ALG12: variants seen among roughly 807,000 people sequenced by gnomAD.
ALG12 encodes dol-P-Man:Man(7)GlcNAc(2)-PP-Dol alpha-1,6-mannosyltransferase.
In ALG12, 36 loss-of-function variants were observed where a neutral mutation model predicts 46.0. That is an observed-to-expected ratio of 0.78 (90% CI 0.60 to 1.03). The LOEUF (loss-of-function observed/expected upper bound fraction) is 1.03. ALG12 is among the 50% of genes least tolerant of loss of function. The pLI, the probability that ALG12 is intolerant of heterozygous loss-of-function variation, is 0.00. For missense variants in ALG12, 599 were observed against 633.5 expected, an observed-to-expected ratio of 0.95 and a Z score of 0.58; for synonymous variants, 326 against 291.6, an observed-to-expected ratio of 1.12 and a Z score of -1.20.
the ALG12 span, chr22:49,887,230 G>A: frequency 1.3e-6 from 2 of 1,551,608 alleles, no homozygotes; most frequent in Non-Finnish European, 1.7e-6. Flanking sequence ...AGCGTTAGCA[G>A]CCTGTACCAG....
chr22:49,913,352 C>T (rs2060590515), intron 3 of ALG12, 33 bp downstream of exon 3: 10 of 1,612,974 alleles, frequency 6.2e-6, no homozygotes, highest in Non-Finnish European at 7.6e-6. Flanking sequence ...CACAGTCCCT[C>T]ACTCCCTCCT....
the ALG12 span, among the ~76,000 whole-genome samples, chr22:49,865,313 C>T: frequency 1.9e-3 from 283 of 152,116 alleles, 2 homozygotes; most frequent in African/African-American, 6.5e-3. Context: ...TGCTCTTTGC[C>T]GAGTGAGGTG....
intron 1 of ALG12, among the ~76,000 whole-genome samples, chr22:49,917,887 C>G (rs1216455318): frequency 9.9e-6 from 1 of 101,408 alleles, no homozygotes; most frequent in Non-Finnish European, 2.0e-5. Context: ...CCCAGAGACC[C>G]TAAGTGGACC....
At chr22:49,895,254 G>A (rs189024982), downstream of ALG12, among the ~76,000 whole-genome samples, 1 of 152,312 alleles carries the variant, frequency 6.6e-6, no homozygotes, top group East Asian at 1.9e-4. Context: ...CCATCCTCCT[G>A]CTCTAACATC....
chr22:49,917,869 C>A (rs775494862), intron 1 of ALG12, among the ~76,000 whole-genome samples: 54 of 143,656 alleles, frequency 3.8e-4, no homozygotes, highest in Admixed American at 7.5e-4. Flanking sequence ...AAATGCAGAT[C>A]CCCAGCCCCC....
chr22:49,910,318 G>A, intron 4 of ALG12, 116 bp downstream of exon 4: 1 of 1,409,138 alleles, frequency 7.1e-7, no homozygotes, highest in Non-Finnish European at 9.7e-7. Flanking sequence ...CCATCCTGAG[G>A]AACCCAGTGG....
chr22:49,907,555 T>C (rs1302713196), intron 7 of ALG12, among the ~76,000 whole-genome samples, 166 bp downstream of exon 7: 1 of 152,112 alleles, frequency 6.6e-6, no homozygotes, highest in Admixed American at 6.6e-5. Context: ...GGAGGATGGC[T>C]TAACCCCCTA....
At chr22:49,865,273 G>T in the ALG12 span, among the ~76,000 whole-genome samples, 6 of 152,238 alleles carry the variant, frequency 3.9e-5, no homozygotes, top group East Asian at 1.2e-3. Flanking sequence ...AGATGGTGTC[G>T]TTATCTTATG....
At position 49,905,999 on chromosome 22, in the gene ALG12, A is replaced by G. The variant is rs964054881; in HGVS notation, c.993-1493T>C. 4.6e-5 allele frequency among the ~76,000 whole-genome samples: 7 copies of G among 151,708 alleles called. No individual in the cohort carries two copies. Among genetic ancestry groups the G allele is most frequent in the African/African-American group, 1.7e-4 (7 of 41,268 alleles). ...GACTGTCTCAAGGCCCTGGGCCCTG[A>G]CACCGTGGGAAACGGCCTGCTCTTG... On this transcript the variant is annotated intron_variant, in intron 7 of 9. Coordinates refer to ENST00000330817, the MANE Select transcript of ALG12 (RefSeq NM_024105.4). This position sits in a 1 kb window ranked among gnomAD's most constrained non-coding sequence, Gnocchi z 4.9.
In ALG12 at chr22:49,903,293, T is replaced by C. The variant is rs1569172471; in HGVS notation, c.*545A>G. 2.2e-6 allele frequency: 1 copy of C among 455,962 alleles called. No homozygotes were observed. The highest frequency in any genetic ancestry group is 2.0e-5 in the African/African-American group (1 of 50,174). The allele number at this position is 455,962 out of a possible 1,614,324, so 28.2% of individuals were successfully genotyped here. On this transcript the variant is annotated 3_prime_UTR_variant, in exon 10 of 10. Transcript: ENST00000330817. ...TTTGAATGTGTTTATCTCCTAAGAT[T>C]TTATCTGTGATGGAGATGGGATGCC...
the ALG12 span, among the ~76,000 whole-genome samples, chr22:49,870,490 AT>A: frequency 6.6e-6 from 1 of 150,826 alleles, no homozygotes; most frequent in Non-Finnish European, 1.5e-5. Flanking sequence ...AGCATCTGTT[AT>A]TTTTTTCTTT....
chr22:49,894,675 GAA>G, the ALG12 span, among the ~76,000 whole-genome samples: 1 of 152,258 alleles, frequency 6.6e-6, no homozygotes, highest in African/African-American at 2.4e-5. Flanking sequence ...GGAACAGAAA[GAA>G]CTAAGAGGAG....
chr22:49,896,773 T>A (rs1489057128), downstream of ALG12, among the ~76,000 whole-genome samples: 10 of 152,108 alleles, frequency 6.6e-5, no homozygotes, highest in Non-Finnish European at 1.5e-4. Context: ...GTAGCTGGGA[T>A]TACAGGTGCC....
the ALG12 span, among the ~76,000 whole-genome samples, chr22:49,863,665 T>A: frequency 6.6e-6 from 1 of 152,188 alleles, no homozygotes; most frequent in East Asian, 1.9e-4. Context: ...GGCTGAGTTA[T>A]TGCTTCTTTA....
the ALG12 span, among the ~76,000 whole-genome samples, chr22:49,868,655 A>T: frequency 5.9e-5 from 9 of 152,320 alleles, no homozygotes; most frequent in East Asian, 1.7e-3. Context: ...AAGTAAAAAG[A>T]TAAAAATTAT....
Position 49,903,853 on chromosome 22 carries a change from G to T in ALG12, c.1452C>A (p.Leu484=), listed in dbSNP as rs772352960. The T allele has an allele frequency of 6.8e-6, 11 of 1,614,240 alleles. No individual in the cohort carries two copies. Among genetic ancestry groups the T allele is most frequent in the South Asian group, 3.3e-5 (3 of 91,090 alleles). Residue 484 remains leucine (L), a synonymous_variant, in exon 10 of 10, where the codon CTC becomes CTA. Transcript: ENST00000330817. The part of the protein sequence containing the change: ...LQTKLVLLER[L]PRPS Reference sequence around the variant, plus strand: ...CTGGTCCCCCTCAGGACGGCCGGGGGAGCCTCTCCAGAAGCACCAGCTTTG... The same window carrying T: ...CTGGTCCCCCTCAGGACGGCCGGGGTAGCCTCTCCAGAAGCACCAGCTTTG...
chr22:49,894,334 A>T, the ALG12 span, among the ~76,000 whole-genome samples: 1 of 152,262 alleles, frequency 6.6e-6, no homozygotes, highest in African/African-American at 2.4e-5. Context: ...GGCAAATGGT[A>T]GCTTTAAACC....
intron 1 of ALG12, among the ~76,000 whole-genome samples, chr22:49,917,974 G>T (rs1360950519): frequency 7.3e-6 from 1 of 136,584 alleles, no homozygotes; most frequent in Non-Finnish European, 1.6e-5. Context: ...CCCGGCCCCA[G>T]GTGAGAGGTC....
chr22:49,887,012 T>A, the ALG12 span: 1 of 1,614,126 alleles, frequency 6.2e-7, no homozygotes, highest in Non-Finnish European at 8.5e-7. Context: ...CTGTCCGCGC[T>A]GGCCGTCAGA....
Sources: gnomAD v4.1 joint callset for allele counts (sites outside exome capture counted in the v4.1 genomes callset) on GRCh38, gnomAD v4.1.1 for gene constraint, Gnocchi (gnomAD v3.1) non-coding constraint, MANE v1.5 for transcripts, NCBI Gene and HGNC (gene_info 2026-07-23, HGNC 2026-07-21) for gene names.